Variants in SLC4A8 observed in about 807,000 individuals in gnomAD.
SLC4A8 encodes the protein electroneutral sodium bicarbonate exchanger 1.
Under a neutral mutation model 125.0 loss-of-function variants are expected in SLC4A8, and 40 were observed. The ratio of observed to expected loss-of-function variants is 0.32; its 90% CI spans 0.25 to 0.42. The LOEUF (loss-of-function observed/expected upper bound fraction) is 0.42. Among genes scored for constraint, SLC4A8 ranks in the 10% least tolerant of loss-of-function variants. The pLI is 1.00. For synonymous variants in SLC4A8, 456 were observed against 476.0 expected (o/e 0.96, Z 0.55); for missense variants, 863 against 1,355.1 (o/e 0.64, Z 5.70).
chr12:51,458,429 T>G, intron 6 of SLC4A8, 130 bp from the exon 7 acceptor site: 1 of 657,624 alleles, frequency 1.5e-6, no homozygotes. Flanking sequence ...GGTCTTGACT[T>G]CGTAGTCATC....
chr12:51,462,348 T>G lies in SLC4A8; in HGVS notation c.1140T>G (p.Asp380Glu). ...HDVAYKAKERDDLLAGIDEFL... is the reference protein window; with the variant it reads ...HDVAYKAKEREDLLAGIDEFL... ...TAGCATATAAGGCAAAAGAGCGAGA[T>G]GATCTCCTGGCGGGGATTGATGAGT... Residue 380 changes from aspartate to glutamate, a missense_variant, in exon 10 of 25, where the codon GAT becomes GAG. Around this residue, in one of 6 missense-constraint regions of SLC4A8, gnomAD observed 390 missense variants for 634.4 expected, o/e 0.61. Coordinates refer to ENST00000453097, the MANE Select transcript of SLC4A8 (RefSeq NM_001039960.3). 1.2e-6 allele frequency: 2 copies of G among 1,613,946 alleles called. No homozygotes were observed. The highest frequency in any genetic ancestry group is 1.7e-6 in the Non-Finnish European group (2 of 1,179,866).
At chr12:51,462,568 T>C (rs1950364607) in intron 10 of SLC4A8, 112 bp downstream of exon 10, 2 of 784,456 alleles carry the variant, frequency 2.5e-6, no homozygotes, top group Admixed American at 3.4e-5. Flanking sequence ...CAGCTCTGTT[T>C]TGGTGCACCT....
At chr12:51,467,167 T>C (rs1950545590) in intron 11 of SLC4A8, among the ~76,000 whole-genome samples, 2 of 152,194 alleles carry the variant, frequency 1.3e-5, no homozygotes, top group Non-Finnish European at 1.5e-5. Context: ...TGAGGGGCTA[T>C]TTACCTAGAG....
intron 1 of SLC4A8, among the ~76,000 whole-genome samples, chr12:51,396,129 A>C (rs1948256007): frequency 6.6e-6 from 1 of 152,260 alleles, no homozygotes. Flanking sequence ...TTAAATAAGC[A>C]AAGTGCTTAA....
intron 5 of SLC4A8, among the ~76,000 whole-genome samples, chr12:51,456,229 T>C (rs1030441259): frequency 6.6e-6 from 1 of 151,932 alleles, no homozygotes; most frequent in Non-Finnish European, 1.5e-5. Context: ...TTCTTTTTTT[T>C]CCCCCAAGAT....
At chr12:51,497,393 C>T in intron 22 of SLC4A8, 1 of 328,064 alleles carries the variant, frequency 3.0e-6, no homozygotes, top group Admixed American at 4.5e-5. Context: ...ACAGTATGCC[C>T]TTATTAGCAG....
chr12:51,409,358 A>C (rs1948554411), intron 1 of SLC4A8, among the ~76,000 whole-genome samples: 1 of 152,084 alleles, frequency 6.6e-6, no homozygotes, highest in Non-Finnish European at 1.5e-5. Context: ...TATAACAGGA[A>C]TCTTTTCTCT....
At chr12:51,469,505 A>C in intron 11 of SLC4A8, 109 bp from the exon 12 acceptor site, 2 of 948,414 alleles carry the variant, frequency 2.1e-6, no homozygotes, top group Non-Finnish European at 3.1e-6. Context: ...CTGAAGCCAA[A>C]GTCTTACCGC....
At position 51,460,033 on chromosome 12, in the gene SLC4A8, G is replaced by A. The variant is rs145771712; in HGVS notation, c.938G>A (p.Arg313His). 37 of 1,613,198 alleles carry A rather than the reference G, an allele frequency of 2.3e-5. No individual in the cohort carries two copies. Among genetic ancestry groups the A allele is most frequent in the Middle Eastern group, 3.3e-4 (2 of 6,084 alleles). ...GTTGGAGAGGTGGATATTTTGGACC[G>A]TCCCATTGTTGCCTTTGTGAGGCTG... is the stretch of plus-strand genomic sequence containing the variant. ...VLVGEVDILD[R>H]PIVAFVRLSP... The change falls in exon 8 of 25, where the codon CGT (arginine) becomes CAT (histidine). Residue 313 changes from arginine to histidine, a missense_variant. By Grantham distance (29) the Arg-to-His change is conservative (BLOSUM62 0). Around this residue, in one of 6 missense-constraint regions of SLC4A8, gnomAD observed 390 missense variants for 634.4 expected, o/e 0.61. Coordinates refer to ENST00000453097, the MANE Select transcript of SLC4A8 (RefSeq NM_001039960.3).
chr12:51,496,429 C>T (rs932151563), intron 21 of SLC4A8, among the ~76,000 whole-genome samples: 1 of 152,312 alleles, frequency 6.6e-6, no homozygotes, highest in African/African-American at 2.4e-5. Flanking sequence ...TTAGGCGAGT[C>T]ACTTTCTCTC....
rs370481886 is a variant in SLC4A8 at position 51,450,704 on chromosome 12, C to T, written c.131-172C>T. On this transcript the variant is annotated intron_variant, in intron 2 of 24. Transcript: ENST00000453097. ...AGGACAAAGGAAGAGACCTTCAACT[C>T]CAAAATCTCTATATCTTTACTCCTG... The T allele has an allele frequency of 5.9e-6, 4 of 675,232 alleles. No homozygotes were observed. The East Asian group carries it at 1.1e-4, about 19-fold the overall frequency. The allele number at this position is 675,232 out of a possible 1,614,324, so 41.8% of individuals were successfully genotyped here.
intron 2 of SLC4A8, among the ~76,000 whole-genome samples, chr12:51,450,148 C>T (rs1949917057): frequency 6.6e-6 from 1 of 152,146 alleles, no homozygotes; most frequent in African/African-American, 2.4e-5. Flanking sequence ...ACCTTAGCCT[C>T]ACCCTCCTCA....
At chr12:51,393,267 C>CT (rs962911927) in intron 1 of SLC4A8, among the ~76,000 whole-genome samples, 20 of 152,014 alleles carry the variant, frequency 1.3e-4, no homozygotes, top group South Asian at 4.2e-4. Flanking sequence ...GCCCAGCTAA[C>CT]TTTTTTTTGT....
chr12:51,492,498 C>T (rs1027978165), intron 19 of SLC4A8, among the ~76,000 whole-genome samples: 6 of 152,204 alleles, frequency 3.9e-5, no homozygotes, highest in African/African-American at 1.4e-4. Context: ...AACGTTGCTG[C>T]TTCTCCAAGA....
chr12:51,503,261 G>T (rs1938011063), intron 22 of SLC4A8, among the ~76,000 whole-genome samples: 2 of 148,586 alleles, frequency 1.3e-5, no homozygotes, highest in Admixed American at 6.7e-5. Flanking sequence ...GTCTCACCCT[G>T]TTGCCCAGGC....
At chr12:51,481,281 T>C (rs1951019768) in intron 16 of SLC4A8, among the ~76,000 whole-genome samples, 1 of 152,012 alleles carries the variant, frequency 6.6e-6, no homozygotes. Context: ...AATCATCTCA[T>C]TTTTTTTCCA....
intron 16 of SLC4A8, among the ~76,000 whole-genome samples, chr12:51,478,002 C>T (rs997274851): frequency 7.2e-5 from 11 of 151,860 alleles, no homozygotes; most frequent in Admixed American, 4.6e-4. Flanking sequence ...ATGGGCCGGG[C>T]GCAGTGGCTC....
chr12:51,437,818 G>A (rs1949468017), intron 1 of SLC4A8, among the ~76,000 whole-genome samples: 1 of 152,178 alleles, frequency 6.6e-6, no homozygotes, highest in Non-Finnish European at 1.5e-5. Context: ...ACATAAAGGT[G>A]GGAATGTGCA....
rs184541727 is a variant in SLC4A8, at chr12:51,437,475, A to C, written c.49-3233A>C. On this transcript the variant is annotated intron_variant, in intron 1 of 24. Coordinates refer to ENST00000453097, the MANE Select transcript of SLC4A8 (RefSeq NM_001039960.3). ...ATGAGTGAGTTCTTGCTCTGAGTTC[A>C]CCCAAGATCTGGTTGTTTAAAAGAG... Among the ~76,000 whole-genome samples the C allele has an allele frequency of 2.1e-4, 32 of 152,230 alleles. No individual in the cohort carries two copies. In the East Asian group the frequency reaches 6.2e-3, roughly 29 times the overall value.
Sources: allele counts gnomAD v4.1 joint callset (sites outside exome capture counted in the v4.1 genomes callset), GRCh38; gene constraint gnomAD v4.1.1; regional missense constraint gnomAD v4.1.1; transcripts MANE v1.5; gene names NCBI Gene and HGNC (gene_info 2026-07-23, HGNC 2026-07-21).